ITGA4: variants seen among roughly 807,000 people sequenced by gnomAD.
ITGA4 encodes integrin alpha-4.
ITGA4 carries 63 observed loss-of-function variants against 133.6 expected under a neutral mutation model. The observed-to-expected ratio is 0.47, with a 90% CI of 0.38 to 0.58. The LOEUF (loss-of-function observed/expected upper bound fraction) is 0.58, where lower values mean the gene tolerates loss of function less well. Among genes scored for constraint, ITGA4 ranks in the 20% least tolerant of loss-of-function variants. ITGA4 has a pLI of 0.00. For missense variants in ITGA4, 1,076 were observed against 1,252.7 expected (o/e 0.86, Z 2.13); for synonymous variants, 483 against 438.0 (o/e 1.10, Z -1.28).
chr2:181,490,507 GTGTGTGTGTGTGTGTGTGTC>G (rs1326397808), intron 10 of ITGA4, among the ~76,000 whole-genome samples: 1 of 149,110 alleles, frequency 6.7e-6, no homozygotes, highest in African/African-American at 2.5e-5. Context: ...GTGTGTGTGT[GTGTGTGTGTGTGTGTGTGTC>G]TGTGTGTGTG....
At chr2:181,481,053 CAGA>C in intron 6 of ITGA4, among the ~76,000 whole-genome samples, 1 of 152,172 alleles carries the variant, frequency 6.6e-6, no homozygotes, top group African/African-American at 2.4e-5. Context: ...TCTATTCAAA[CAGA>C]AGAAATTTCA....
intron 22 of ITGA4, among the ~76,000 whole-genome samples, chr2:181,528,973 T>A (rs771642293): frequency 2.0e-5 from 3 of 152,224 alleles, no homozygotes; most frequent in Non-Finnish European, 4.4e-5. Flanking sequence ...TCTGAATGCA[T>A]CAGCATATAG....
chr2:181,495,821 A>G lies in ITGA4; in HGVS notation c.1424A>G (p.His475Arg). Residue 475 changes from histidine (H) to arginine (R), a missense_variant, in exon 14 of 28, where the codon CAC becomes CGC. Transcript: ENST00000397033. The surrounding 1 kb of genome is among the most constrained non-coding windows in gnomAD (Gnocchi z 4.3). ...GTAATTGTTGACGCTTCTTTAAGCC[A>G]CCCTGAGTCAGTAAATAGAACGAAA... ...PVVIVDASLS[H>R]PESVNRTKFD... The G allele has an allele frequency of 1.2e-6, 2 of 1,613,958 alleles. No homozygotes were observed. Among genetic ancestry groups the G allele is most frequent in the East Asian group, 4.5e-5 (2 of 44,866 alleles).
intron 2 of ITGA4, among the ~76,000 whole-genome samples, chr2:181,464,010 G>A (rs944398523): frequency 6.6e-6 from 1 of 152,068 alleles, no homozygotes; most frequent in Non-Finnish European, 1.5e-5. Context: ...TAAGTCTATA[G>A]GGCACCAGTA....
At chr2:181,477,585 A>G (rs1253731048) in intron 4 of ITGA4, among the ~76,000 whole-genome samples, 2 of 152,166 alleles carry the variant, frequency 1.3e-5, no homozygotes, top group East Asian at 3.8e-4. Context: ...CAATAAGTAG[A>G]TGAAAAGGTG....
chr2:181,501,261 A>C (rs537266117), intron 15 of ITGA4, among the ~76,000 whole-genome samples: 1 of 152,148 alleles, frequency 6.6e-6, no homozygotes, highest in African/African-American at 2.4e-5. Flanking sequence ...GGTTCAGGAG[A>C]AGAGTATTCC....
intron 2 of ITGA4, among the ~76,000 whole-genome samples, chr2:181,465,545 A>G (rs1685391002): frequency 6.6e-6 from 1 of 152,166 alleles, no homozygotes; most frequent in South Asian, 2.1e-4. Flanking sequence ...CTTGTTTCAA[A>G]GATAGACAAA....
At chr2:181,473,158 G>T (rs1187160149) in intron 2 of ITGA4, among the ~76,000 whole-genome samples, 1 of 152,232 alleles carries the variant, frequency 6.6e-6, no homozygotes, top group African/African-American at 2.4e-5. Flanking sequence ...TCCCTGGGCT[G>T]TGGATGGGTA....
Position 181,535,622 on chromosome 2 carries a change from G to A in ITGA4, c.*95G>A. ...TTACAAGAAAAAATGAATTTTGTTT[G>A]GACTTCTTTTACTCATGATCTTGTG... On this transcript the variant is annotated 3_prime_UTR_variant, in exon 28 of 28. Transcript: ENST00000397033. 6.9e-7 allele frequency: 1 copy of A among 1,446,478 alleles called. No homozygotes were observed. The allele number at this position is 1,446,478 out of a possible 1,614,324, so 89.6% of individuals were successfully genotyped here. A position where few individuals can be genotyped will look rare whatever the true frequency, so the allele number is the denominator to read the frequency against.
intron 16 of ITGA4, among the ~76,000 whole-genome samples, chr2:181,510,955 T>C (rs1181404710): frequency 2.6e-5 from 4 of 151,964 alleles, no homozygotes; most frequent in Non-Finnish European, 5.9e-5. Context: ...TATTTACACC[T>C]CTCCCCCAGC....
intron 6 of ITGA4, among the ~76,000 whole-genome samples, chr2:181,480,558 CTA>C (rs1457368762): frequency 2.0e-5 from 3 of 152,128 alleles, no homozygotes; most frequent in Non-Finnish European, 2.9e-5. Flanking sequence ...GTTTCTATCT[CTA>C]TGTAGTCAAC....
In ITGA4 at chr2:181,457,546, A is replaced by G. The variant is rs1685152326; in HGVS notation, c.-109A>G. ...TTCCTTTAGCCCGCTGGCGCCGGACACGCTGCGCCTCATCTCTTGGGGCGT... is the reference window on the plus strand; with the variant it reads ...TTCCTTTAGCCCGCTGGCGCCGGACGCGCTGCGCCTCATCTCTTGGGGCGT... On this transcript the variant is annotated 5_prime_UTR_variant, in exon 1 of 28. Transcript: ENST00000397033. The G allele has an allele frequency of 2.0e-6, 2 of 992,498 alleles. No individual in the cohort carries two copies. Among genetic ancestry groups the G allele is most frequent in the Non-Finnish European group, 2.9e-6 (2 of 685,324 alleles). 61.5% of individuals were successfully genotyped at this position (992,498 alleles called of 1,614,324 possible). A position where few individuals can be genotyped will look rare whatever the true frequency, so the allele number is the denominator to read the frequency against.
intron 2 of ITGA4, among the ~76,000 whole-genome samples, chr2:181,467,353 G>A (rs1685444055): frequency 6.6e-6 from 1 of 152,164 alleles, no homozygotes; most frequent in Non-Finnish European, 1.5e-5. Flanking sequence ...GCCAGACTGA[G>A]AGCCCCAGTC....
At chr2:181,510,276 T>C (rs1204363044) in intron 16 of ITGA4, among the ~76,000 whole-genome samples, 2 of 152,140 alleles carry the variant, frequency 1.3e-5, no homozygotes, top group Non-Finnish European at 2.9e-5. Flanking sequence ...ATTTATGTTA[T>C]ACAATAATTT....
chr2:181,463,549 G>A (rs1193895265), intron 2 of ITGA4, among the ~76,000 whole-genome samples: 2 of 152,186 alleles, frequency 1.3e-5, no homozygotes, highest in African/African-American at 4.8e-5. Context: ...TTGAATGAAA[G>A]AGATGAGTGA....
chr2:181,459,511 G>C (rs1045768033), intron 2 of ITGA4: 4 of 152,146 alleles, frequency 2.6e-5, no homozygotes, highest in African/African-American at 9.7e-5. Flanking sequence ...GATGAATTCA[G>C]ATAGAGTATA....
At position 181,495,956 on chromosome 2, in the gene ITGA4, A is replaced by G; in HGVS notation, c.1540+19A>G. ...TACATTGGTGGGTATGCCCTACAAT[A>G]TTAATGCTTGATGGGGTGCGGTTCA... On this transcript the variant is annotated intron_variant, in intron 14 of 27. Transcript: ENST00000397033. The surrounding 1 kb of genome is among the most constrained non-coding windows in gnomAD (Gnocchi z 4.3). 6.2e-7 allele frequency: 1 copy of G among 1,610,744 alleles called. No individual in the cohort carries two copies. Among genetic ancestry groups the G allele is most frequent in the South Asian group, 1.1e-5 (1 of 90,716 alleles).
chr2:181,475,963 A>G (rs1361251950), intron 4 of ITGA4: 4 of 1,321,528 alleles, frequency 3.0e-6, no homozygotes, highest in Non-Finnish European at 3.9e-6. Context: ...ATGAATGCAA[A>G]TTCATAATTT....
At chr2:181,509,155 A>T (rs1686453218) in intron 15 of ITGA4, among the ~76,000 whole-genome samples, 7 of 31,658 alleles carry the variant, frequency 2.2e-4, no homozygotes, top group South Asian at 4.6e-3. Context: ...AAAAAAAAAA[A>T]AAAAAAAAAA....
Sources: gnomAD v4.1 joint callset for allele counts (sites outside exome capture counted in the v4.1 genomes callset) on GRCh38, gnomAD v4.1.1 for gene constraint, Gnocchi (gnomAD v3.1) non-coding constraint, MANE v1.5 for transcripts, NCBI Gene and HGNC (gene_info 2026-07-23, HGNC 2026-07-21) for gene names.